The following B3GNT9 variants were observed in gnomAD, a reference collection of about 807,000 sequenced individuals.
The protein encoded by B3GNT9 is BGnT-9.
For missense variants in B3GNT9, 669 were observed against 599.2 expected, an observed-to-expected ratio of 1.12 and a Z score of -1.22; for synonymous variants, 359 against 283.9, an observed-to-expected ratio of 1.26 and a Z score of -2.66.
rs1408865074 is a variant in B3GNT9 at position 67,149,193 on chromosome 16, G to A, written c.*84C>T. Reference sequence around the variant, plus strand: ...TGTGGAGACAGGCACCTGGTGATCAGGGAAGAACCACATACACGGCAATAA... The same window carrying A: ...TGTGGAGACAGGCACCTGGTGATCAAGGAAGAACCACATACACGGCAATAA... On this transcript the variant is annotated 3_prime_UTR_variant, in exon 2 of 2. Coordinates refer to ENST00000449549, the MANE Select transcript of B3GNT9 (RefSeq NM_033309.3). 1.6e-5 allele frequency: 23 copies of A among 1,471,228 alleles called. No homozygotes were observed. Among genetic ancestry groups the A allele is most frequent in the Middle Eastern group, 2.3e-4 (1 of 4,348 alleles). 91.1% of individuals were successfully genotyped at this position (1,471,228 alleles called of 1,614,324 possible).
At position 67,150,045 on chromosome 16, in the gene B3GNT9, C is replaced by A; in HGVS notation, c.441G>T (p.Gly147=). The A allele has an allele frequency of 6.7e-7, 1 of 1,501,656 alleles. No homozygotes were observed. Among genetic ancestry groups the A allele is most frequent in the Non-Finnish European group, 8.9e-7 (1 of 1,127,496 alleles). 93.0% of individuals were successfully genotyped at this position (1,501,656 alleles called of 1,614,324 possible). ...GCAAGAACACGCGGCGCACCAGCGC[C>A]CCCTGCACGCGACCCTCCGCGCCCC... The part of the protein sequence containing the change: ...QTWGAEGRVQ[G]ALVRRVFLLG... The change falls in exon 2 of 2, where the codon GGG becomes GGT. Residue 147 remains glycine (G), a synonymous_variant. Transcript: ENST00000449549.
rs1043112388 is a variant in B3GNT9, at chr16:67,150,607, C to T, written c.-122G>A. 6 of 806,424 alleles carry T rather than the reference C, an allele frequency of 7.4e-6. No homozygotes were observed. The highest frequency in any genetic ancestry group is 1.1e-4 in the South Asian group (2 of 17,962). The allele number at this position is 806,424 out of a possible 1,614,324, so 50.0% of individuals were successfully genotyped here. ...ACGCCCCGGGGGGGGCTCCAGCGAC[C>T]GACGGTTGAGCCCCTTGCGTTGTTC... On this transcript the variant is annotated 5_prime_UTR_variant, in exon 2 of 2. Coordinates refer to ENST00000449549, the MANE Select transcript of B3GNT9 (RefSeq NM_033309.3).
intron 1 of B3GNT9, 88 bp from the exon 2 acceptor site, chr16:67,150,759 G>C (rs2030451696): frequency 2.9e-6 from 1 of 346,776 alleles, no homozygotes; most frequent in South Asian, 1.5e-4. Flanking sequence ...CGGGCAGGGA[G>C]ACTGGGAGCC....
rs1377324508 is a variant in B3GNT9 at position 67,150,203 on chromosome 16, G to A, written c.283C>T (p.Arg95Trp). The change falls in exon 2 of 2, where the codon CGG becomes TGG. Residue 95 changes from arginine to tryptophan, a missense_variant. Transcript: ENST00000449549. ...ARYLRAKDQR[R>W]FPLLINQPHK... ...GGCTGGTTAATGAGCAGTGGAAACC[G>A]CCGCTGGTCCTTGGCGCGCAAATAG... is the stretch of plus-strand genomic sequence containing the variant. 4 of 1,555,802 alleles carry A rather than the reference G, an allele frequency of 2.6e-6. No individual in the cohort carries two copies. The highest frequency in any genetic ancestry group is 1.2e-5 in the South Asian group (1 of 84,806).
Position 67,149,385 on chromosome 16 carries a change from G to A in B3GNT9, c.1101C>T (p.Leu367=), listed in dbSNP as rs749735978. 2.4e-5 allele frequency: 38 copies of A among 1,602,456 alleles called. No individual in the cohort carries two copies. Among genetic ancestry groups the A allele is most frequent in the East Asian group, 4.5e-5 (2 of 44,220 alleles). ...FYRELVVVHG[L]SAADIWLMWR... ...ACATAAGCCAGATGTCAGCGGCCGA[G>A]AGCCCGTGCACTACAACCAGCTCAC... Residue 367 remains leucine, a synonymous_variant, in exon 2 of 2, where the codon CTC becomes CTT. Coordinates refer to ENST00000449549, the MANE Select transcript of B3GNT9 (RefSeq NM_033309.3).
Position 67,149,540 on chromosome 16 carries a change from C to G in B3GNT9, c.946G>C (p.Asp316His). ...CAQVELFPID[D>H]VFLGMCLQRL... ...TGCAGACACATGCCCAGAAAGACGTCGTCGATGGGGAAGAGCTCGACCTGC... is the reference window on the plus strand; with the variant it reads ...TGCAGACACATGCCCAGAAAGACGTGGTCGATGGGGAAGAGCTCGACCTGC... Residue 316 changes from aspartate to histidine, a missense_variant, in exon 2 of 2, where the codon GAC becomes CAC. By Grantham distance (81) the Asp-to-His change is moderately conservative. Transcript: ENST00000449549. 1.2e-6 allele frequency: 2 copies of G among 1,608,856 alleles called. No individual in the cohort carries two copies. The highest frequency in any genetic ancestry group is 4.5e-5 in the East Asian group (2 of 44,590).
chr16:67,150,377 TCGCCGTCGGGGCCG>T lies in B3GNT9; in HGVS notation c.95_108del (p.Ala32GlufsTer47). ...GCCCTCCCTCGCCCTCGCGGCGCGCTCGCCGTCGGGGCCGCGCCGTCGCGCTGCGCATAGAGTAA... is the reference window on the plus strand; with the variant it reads ...GCCCTCCCTCGCCCTCGCGGCGCGCTCGCCGTCGCGCTGCGCATAGAGTAA... On this transcript the variant is annotated frameshift_variant, in exon 2 of 2. Coordinates refer to ENST00000449549, the MANE Select transcript of B3GNT9 (RefSeq NM_033309.3). LOFTEE classifies it low-confidence loss of function (END_TRUNC). 1 of 1,343,822 alleles carries T rather than the reference TCGCCGTCGGGGCCG, an allele frequency of 7.4e-7. No homozygotes were observed. Among genetic ancestry groups the T allele is most frequent in the Non-Finnish European group, 9.5e-7 (1 of 1,048,270 alleles). The allele number at this position is 1,343,822 out of a possible 1,614,324, so 83.2% of individuals were successfully genotyped here. A position where few individuals can be genotyped will look rare whatever the true frequency, so the allele number is the denominator to read the frequency against.
rs1415569650 is a variant in B3GNT9, at chr16:67,150,325, C to A, written c.161G>T (p.Arg54Leu). The change falls in exon 2 of 2, where the codon CGC (arginine) becomes CTC (leucine). Residue 54 changes from arginine (R) to leucine (L), a missense_variant. Transcript: ENST00000449549. Reference sequence around the variant, plus strand: ...ACCCGCGTCGGGTAACTGGAACGCGCGGGGTCCGGGGGTGGGCCTCGGTGC... The same window carrying A: ...ACCCGCGTCGGGTAACTGGAACGCGAGGGGTCCGGGGGTGGGCCTCGGTGC... ...RAAPRPTPGP[R>L]AFQLPDAGAA... 7.1e-7 allele frequency: 1 copy of A among 1,402,446 alleles called. No individual in the cohort carries two copies. Among genetic ancestry groups the A allele is most frequent in the Non-Finnish European group, 9.3e-7 (1 of 1,076,742 alleles). The allele number at this position is 1,402,446 out of a possible 1,614,324, so 86.9% of individuals were successfully genotyped here.
chr16:67,150,346 G>T lies in B3GNT9; in HGVS notation c.140C>A (p.Pro47Gln). 6 of 1,367,152 alleles carry T rather than the reference G, an allele frequency of 4.4e-6. No individual in the cohort carries two copies. The highest frequency in any genetic ancestry group is 5.7e-6 in the Non-Finnish European group (6 of 1,060,482). 84.7% of individuals were successfully genotyped at this position (1,367,152 alleles called of 1,614,324 possible). A position where few individuals can be genotyped will look rare whatever the true frequency, so the allele number is the denominator to read the frequency against. Residue 47 changes from proline to glutamine, a missense_variant, in exon 2 of 2, where the codon CCG becomes CAG. Transcript: ENST00000449549. ...SAPRGRGRAAPRPTPGPRAFQ... is the reference protein window; with the variant it reads ...SAPRGRGRAAQRPTPGPRAFQ... ...CGCGCGGGGTCCGGGGGTGGGCCTC[G>T]GTGCCGCCCTCCCTCGCCCTCGCGG...
In B3GNT9 at chr16:67,150,548, GC is replaced by G. The variant is rs1597225953; in HGVS notation, c.-64del. 5.7e-6 allele frequency: 7 copies of G among 1,233,350 alleles called. No homozygotes were observed. The East Asian group carries it at 2.2e-4, about 39-fold the overall frequency. The allele number at this position is 1,233,350 out of a possible 1,614,324, so 76.4% of individuals were successfully genotyped here. A position where few individuals can be genotyped will look rare whatever the true frequency, so the allele number is the denominator to read the frequency against. On this transcript the variant is annotated 5_prime_UTR_variant, in exon 2 of 2. Coordinates refer to ENST00000449549, the MANE Select transcript of B3GNT9 (RefSeq NM_033309.3). ...CGCAGTCGGCAGCAGGGGGCAGCGA[GC>G]CCCGCCCTCCCCAGCTGAGGGGGCG...
Position 67,148,308 on chromosome 16 carries a change from C to T in B3GNT9, c.*969G>A, listed in dbSNP as rs1196820327. On this transcript the variant is annotated 3_prime_UTR_variant, in exon 2 of 2. Transcript: ENST00000449549. Reference sequence around the variant, plus strand: ...CCTATATGGTTCCTGGGCCTTATAGCCAGGTTTGTGTGGCGCTCCCGACTT... The same window carrying T: ...CCTATATGGTTCCTGGGCCTTATAGTCAGGTTTGTGTGGCGCTCCCGACTT... 1 of 152,618 alleles carries T rather than the reference C, an allele frequency of 6.6e-6. No homozygotes were observed. The highest frequency in any genetic ancestry group is 2.4e-5 in the African/African-American group (1 of 41,432). The allele number at this position is 152,618 out of a possible 1,614,324, so 9.5% of individuals were successfully genotyped here. A position where few individuals can be genotyped will look rare whatever the true frequency, so the allele number is the denominator to read the frequency against.
rs1482739615 is a variant in B3GNT9, at chr16:67,148,641, GA to G, written c.*635del. 1.3e-5 allele frequency: 2 copies of G among 152,272 alleles called. No homozygotes were observed. Among genetic ancestry groups the G allele is most frequent in the Admixed American group, 6.5e-5 (1 of 15,284 alleles). 9.4% of individuals were successfully genotyped at this position (152,272 alleles called of 1,614,324 possible). A position where few individuals can be genotyped will look rare whatever the true frequency, so the allele number is the denominator to read the frequency against. On this transcript the variant is annotated 3_prime_UTR_variant, in exon 2 of 2. Transcript: ENST00000449549. Reference sequence around the variant, plus strand: ...GGGGAAGACATTCCTTGGCTCCTCTGAGGGGATACAGCCTCCAGTGGGAGAC... The same window carrying G: ...GGGGAAGACATTCCTTGGCTCCTCTGGGGGATACAGCCTCCAGTGGGAGAC...
At position 67,150,619 on chromosome 16, in the gene B3GNT9, C is replaced by A; in HGVS notation, c.-134G>T. On this transcript the variant is annotated 5_prime_UTR_variant, in exon 2 of 2. Transcript: ENST00000449549. ...GGGCTCCAGCGACCGACGGTTGAGC[C>A]CCTTGCGTTGTTCTCCTCCTCCCGG... The A allele has an allele frequency of 1.4e-6, 1 of 699,820 alleles. No individual in the cohort carries two copies. The highest frequency in any genetic ancestry group is 2.0e-6 in the Non-Finnish European group (1 of 500,612). The allele number at this position is 699,820 out of a possible 1,614,324, so 43.4% of individuals were successfully genotyped here.
chr16:67,150,252 A>C lies in B3GNT9; in HGVS notation c.234T>G (p.Pro78=), dbSNP rs370518935. ...AGCGGGCGAAGTCAAAGGGTCCCGT[A>C]GGCGTGGGCGGCGCCGGTGTGTCCC... ...YEGDTPAPPT[P]TGPFDFARYL... is the part of the protein sequence containing the mutation. Residue 78 remains proline (P), a synonymous_variant, in exon 2 of 2, where the codon CCT becomes CCG. Transcript: ENST00000449549. 1.5e-4 allele frequency: 221 copies of C among 1,519,054 alleles called. No homozygotes were observed. The highest frequency in any genetic ancestry group is 1.2e-3 in the Middle Eastern group (7 of 5,678). The allele number at this position is 1,519,054 out of a possible 1,614,324, so 94.1% of individuals were successfully genotyped here.
chr16:67,150,659 C>A lies in B3GNT9; in HGVS notation c.-174G>T. 2.1e-6 allele frequency: 1 copy of A among 470,892 alleles called. No homozygotes were observed. Among genetic ancestry groups the A allele is most frequent in the Non-Finnish European group, 3.4e-6 (1 of 293,418 alleles). 29.2% of individuals were successfully genotyped at this position (470,892 alleles called of 1,614,324 possible). ...CCTCCTCCCGGCCGTGTCGCACCGC[C>A]GGGACCGGCAGCCTGAAGGGACAAG... On this transcript the variant is annotated 5_prime_UTR_variant, in exon 2 of 2. Transcript: ENST00000449549.
rs1265439111 is a variant in B3GNT9 at position 67,149,743 on chromosome 16, G to C, written c.743C>G (p.Pro248Arg). Residue 248 changes from proline to arginine, a missense_variant, in exon 2 of 2, where the codon CCG becomes CGG. Pro to Arg is a moderately radical substitution (Grantham distance 103, BLOSUM62 -2). Transcript: ENST00000449549. ...GTCACCAGCAAGCAGGTCTTGCGCC[G>C]GGTCCCGCGGCGCCAGGAACTCCAG... ...NLLEFLAPRD[P>R]AQDLLAGDVI... 1 of 1,613,712 alleles carries C rather than the reference G, an allele frequency of 6.2e-7. No individual in the cohort carries two copies. Among genetic ancestry groups the C allele is most frequent in the African/African-American group, 1.3e-5 (1 of 75,056 alleles).
In B3GNT9 at chr16:67,149,776, C is replaced by T; in HGVS notation, c.710G>A (p.Gly237Glu). Reference protein sequence around the residue: ...KGDADVFVNVGNLLEFLAPRD... With the variant: ...KGDADVFVNVENLLEFLAPRD... ...CGGCGCCAGGAACTCCAGGAGATTT[C>T]CCACGTTCACGAACACATCTGCGTC... The change falls in exon 2 of 2, where the codon GGA becomes GAA. Residue 237 changes from glycine (G) to glutamate (E), a missense_variant. Transcript: ENST00000449549. 2 of 1,613,890 alleles carry T rather than the reference C, an allele frequency of 1.2e-6. No homozygotes were observed. The highest frequency in any genetic ancestry group is 1.7e-6 in the Non-Finnish European group (2 of 1,179,828).
chr16:67,148,957 G>A lies in B3GNT9; in HGVS notation c.*320C>T. 2 of 266,998 alleles carry A rather than the reference G, an allele frequency of 7.5e-6. No homozygotes were observed. Among genetic ancestry groups the A allele is most frequent in the Non-Finnish European group, 1.4e-5 (2 of 147,506 alleles). 16.5% of individuals were successfully genotyped at this position (266,998 alleles called of 1,614,324 possible). On this transcript the variant is annotated 3_prime_UTR_variant, in exon 2 of 2. Transcript: ENST00000449549. ...GGTTCCAAATCCAGCAGAGTGGTAG[G>A]ATTCCCTAAGTCCCTGCCACCACAC...
Position 67,148,371 on chromosome 16 carries a change from C to T in B3GNT9, c.*906G>A, listed in dbSNP as rs143108496. ...GGTGTCTTCCCATTTGGACTGTGGC[C>T]TGGCCAGAGCCCCTTGCATATCCCC... On this transcript the variant is annotated 3_prime_UTR_variant, in exon 2 of 2. Transcript: ENST00000449549. 4 of 152,770 alleles carry T rather than the reference C, an allele frequency of 2.6e-5. No homozygotes were observed. The highest frequency in any genetic ancestry group is 5.9e-5 in the Non-Finnish European group (4 of 68,052). 9.5% of individuals were successfully genotyped at this position (152,770 alleles called of 1,614,324 possible).
Sources: allele counts gnomAD v4.1 joint callset, GRCh38; gene constraint gnomAD v4.1.1; transcripts MANE v1.5; gene names NCBI Gene and HGNC (gene_info 2026-07-23, HGNC 2026-07-21).